RNF32: variants seen among roughly 807,000 people sequenced by gnomAD.
The protein encoded by RNF32 is ring finger protein 32.
Under a neutral mutation model 41.0 loss-of-function variants are expected in RNF32, and 36 were observed. The ratio of observed to expected loss-of-function variants is 0.88; its 90% confidence interval spans 0.67 to 1.16. RNF32 has a LOEUF of 1.16. Among genes scored for constraint, RNF32 ranks in the 50% most tolerant of loss-of-function variants. The pLI is 0.00. For missense variants in RNF32, 413 were observed against 436.7 expected (o/e 0.95, Z 0.48); for synonymous variants, 154 against 160.9 (o/e 0.96, Z 0.32).
Position 156,643,845 on chromosome 7 carries a change from T to A in RNF32, c.-33T>A. On this transcript the variant is annotated 5_prime_UTR_variant, in exon 2 of 9. Transcript: ENST00000317955. The stretch of plus-strand genomic sequence containing the variant: ...TGATAGGATGTGATGATAGAATTTG[T>A]GATAGCCAAGCAACAACTTTTCCTA... The A allele has an allele frequency of 6.2e-7, 1 of 1,606,614 alleles. No homozygotes were observed. The highest frequency in any genetic ancestry group is 8.5e-7 in the Non-Finnish European group (1 of 1,173,278).
Position 156,640,804 on chromosome 7 carries a change from G to T in RNF32, c.-85G>T, listed in dbSNP as rs192409544. The T allele has an allele frequency of 1.9e-3, 449 of 234,746 alleles. 2 individuals carry two copies. Among genetic ancestry groups the T allele is most frequent in the African/African-American group, 9.2e-3 (384 of 41,908 alleles). 14.5% of individuals were successfully genotyped at this position (234,746 alleles called of 1,614,324 possible). A position where few individuals can be genotyped will look rare whatever the true frequency, so the allele number is the denominator to read the frequency against. On this transcript the variant is annotated 5_prime_UTR_variant, in exon 1 of 9. Transcript: ENST00000317955. ...TCCCTGGGTTCCGGTGTTCGCGGAGGAGTCGAGGCACGGAGAGGCTTCGGG... is the reference window on the plus strand; with the variant it reads ...TCCCTGGGTTCCGGTGTTCGCGGAGTAGTCGAGGCACGGAGAGGCTTCGGG...
At chr7:156,644,849 CTT>C (rs1393048033) in intron 3 of RNF32, 92 bp downstream of exon 3, 31 of 1,329,750 alleles carry the variant, frequency 2.3e-5, no homozygotes, top group Non-Finnish European at 3.1e-5. Context: ...ACAGAAATAA[CTT>C]ATTTATAATT....
chr7:156,652,947 A>G (rs1353104607), intron 3 of RNF32, among the ~76,000 whole-genome samples: 1 of 152,198 alleles, frequency 6.6e-6, no homozygotes, highest in Non-Finnish European at 1.5e-5. Context: ...TTAAAAGTTT[A>G]GAGAGTAAAA....
chr7:156,642,122 G>A (rs1797425774), intron 1 of RNF32, among the ~76,000 whole-genome samples: 1 of 152,152 alleles, frequency 6.6e-6, no homozygotes, highest in African/African-American at 2.4e-5. Flanking sequence ...TATTTTTAGA[G>A]TTAGGCCCTC....
intron 7 of RNF32, among the ~76,000 whole-genome samples, chr7:156,673,906 TA>T (rs3030984): frequency 0.28 from 28,240 of 100,760 alleles, 2,791 homozygotes; most frequent in East Asian, 0.44. Flanking sequence ...TCCACATTAA[TA>T]AAAAAAAAAA....
At chr7:156,672,969 C>G (rs1802909537) in intron 7 of RNF32, among the ~76,000 whole-genome samples, 1 of 152,244 alleles carries the variant, frequency 6.6e-6, no homozygotes, top group African/African-American at 2.4e-5. Context: ...GCAGGGCTCA[C>G]CCCGCGGACT....
intron 3 of RNF32, among the ~76,000 whole-genome samples, chr7:156,646,083 T>C (rs1797940426): frequency 6.6e-6 from 1 of 152,240 alleles, no homozygotes; most frequent in South Asian, 2.1e-4. Context: ...ATGGTATTGC[T>C]ACAAGTTTGT....
rs1337762046 is a variant in RNF32 at position 156,676,678 on chromosome 7, G to A, written c.*23G>A. The A allele has an allele frequency of 6.3e-7, 1 of 1,584,214 alleles. No homozygotes were observed. The highest frequency in any genetic ancestry group is 8.7e-7 in the Non-Finnish European group (1 of 1,154,806). On this transcript the variant is annotated 3_prime_UTR_variant, in exon 9 of 9. Coordinates refer to ENST00000317955, the MANE Select transcript of RNF32 (RefSeq NM_030936.4). ...TGAATTCATAGTCAAGGAAAGTTAG[G>A]TAATTCTGAGGAAAAAAGTTTACCA...
rs371257426 is a variant in RNF32, at chr7:156,645,692, G to C, written c.274+935G>C. On this transcript the variant is annotated intron_variant, in intron 3 of 8. Transcript: ENST00000317955. ...TTTTGTGGTTTTGATCTTTGTACCA[G>C]GGTTATATAAAAGGTTAACATTTGG... is the stretch of plus-strand genomic sequence containing the variant. Among the ~76,000 whole-genome samples, 19 of 152,296 alleles carry C rather than the reference G, an allele frequency of 1.2e-4. No homozygotes were observed. In the East Asian group the frequency reaches 1.7e-3, roughly 14 times the overall value.
intron 3 of RNF32, among the ~76,000 whole-genome samples, chr7:156,648,299 C>A (rs1183408411): frequency 2.0e-5 from 3 of 152,122 alleles, no homozygotes; most frequent in Admixed American, 6.6e-5. Context: ...GTTTCCACAG[C>A]GACGCCAGGG....
chr7:156,654,802 G>A lies in RNF32; in HGVS notation c.417+84G>A, dbSNP rs1378094394. 24 of 1,346,562 alleles carry A rather than the reference G, an allele frequency of 1.8e-5. No individual in the cohort carries two copies. The Admixed American group carries it at 2.6e-4, about 15-fold the overall frequency. 83.4% of individuals were successfully genotyped at this position (1,346,562 alleles called of 1,614,324 possible). On this transcript the variant is annotated intron_variant, in intron 4 of 8. Transcript: ENST00000317955. ...CCAGAGCTGGAGCCTAAGATTCCAA[G>A]CTTCCTTTTTCCAGTTTCATCCTCC...
In RNF32 at chr7:156,670,253, G is replaced by C. The variant is rs1343199016; in HGVS notation, c.685-5443G>C. The stretch of plus-strand genomic sequence containing the variant: ...TGCAGAGGAGCTGGATGCTAAGCAC[G>C]GCTGGCTCTACTGTTTTGACTTTGG... On this transcript the variant is annotated intron_variant, in intron 7 of 8. Coordinates refer to ENST00000317955, the MANE Select transcript of RNF32 (RefSeq NM_030936.4). This position sits in a 1 kb window ranked among gnomAD's most constrained non-coding sequence, Gnocchi z 4.3. 6.6e-6 allele frequency among the ~76,000 whole-genome samples: 1 copy of C among 152,120 alleles called. No individual in the cohort carries two copies. Among genetic ancestry groups the C allele is most frequent in the Non-Finnish European group, 1.5e-5 (1 of 68,024 alleles).
intron 7 of RNF32, among the ~76,000 whole-genome samples, chr7:156,663,921 A>G (rs1330596588): frequency 1.3e-5 from 2 of 152,206 alleles, no homozygotes; most frequent in Admixed American, 1.3e-4. Context: ...CACGGATTAC[A>G]CTCTCAAATA....
intron 7 of RNF32, among the ~76,000 whole-genome samples, chr7:156,671,102 A>G (rs1335882958): frequency 6.6e-6 from 1 of 152,254 alleles, no homozygotes; most frequent in Non-Finnish European, 1.5e-5. Flanking sequence ...GGCAATAGCT[A>G]AAAGAATAGA....
intron 3 of RNF32, among the ~76,000 whole-genome samples, chr7:156,648,336 A>G (rs1171214181): frequency 2.0e-5 from 3 of 152,112 alleles, no homozygotes; most frequent in African/African-American, 7.2e-5. Context: ...TCTTCCTCTG[A>G]ACTTCTGCTA....
chr7:156,642,544 CTG>C (rs1035619270), intron 1 of RNF32, among the ~76,000 whole-genome samples: 2 of 152,256 alleles, frequency 1.3e-5, no homozygotes, highest in African/African-American at 4.8e-5. Context: ...TCCTGCATCT[CTG>C]TGTGAATACC....
At chr7:156,667,492 T>C (rs1307077264) in intron 7 of RNF32, among the ~76,000 whole-genome samples, 1 of 152,218 alleles carries the variant, frequency 6.6e-6, no homozygotes, top group African/African-American at 2.4e-5. Context: ...TTTGTAAAAT[T>C]GAAAATGTTT....
rs2131501292 is a variant in RNF32 at position 156,658,176 on chromosome 7, C to A, written c.499C>A (p.Leu167Ile). 1.2e-6 allele frequency: 2 copies of A among 1,614,104 alleles called. No individual in the cohort carries two copies. The highest frequency in any genetic ancestry group is 2.2e-5 in the South Asian group (2 of 91,086). ...GTTCACAAATAAGAAAACCTGTCCT[C>A]TCTGTAGAAAGAACCAGTATCAAAC... ...EKFTNKKTCP[L>I]CRKNQYQTRV... Residue 167 changes from leucine to isoleucine, a missense_variant, in exon 6 of 9, where the codon CTC (leucine) becomes ATC (isoleucine). Physicochemically the swap from Leu to Ile is conservative, Grantham distance 5. Coordinates refer to ENST00000317955, the MANE Select transcript of RNF32 (RefSeq NM_030936.4).
At chr7:156,665,599 A>T (rs1585075879) in intron 7 of RNF32, among the ~76,000 whole-genome samples, 1 of 152,222 alleles carries the variant, frequency 6.6e-6, no homozygotes. Context: ...AAAAAACTGA[A>T]ATCACAAATT....
Sources: gnomAD v4.1 joint callset for allele counts (sites outside exome capture counted in the v4.1 genomes callset) on GRCh38, gnomAD v4.1.1 for gene constraint, Gnocchi (gnomAD v3.1) non-coding constraint, MANE v1.5 for transcripts, NCBI Gene and HGNC (gene_info 2026-07-23, HGNC 2026-07-21) for gene names.